Variants in CPOX observed in about 807,000 individuals in gnomAD.
The protein encoded by CPOX is coproporphyrinogen oxidase.
Under a neutral mutation model 48.9 loss-of-function variants are expected in CPOX, and 24 were observed. The ratio of observed to expected loss-of-function variants is 0.49; its 90% confidence interval spans 0.36 to 0.69. The LOEUF (loss-of-function observed/expected upper bound fraction) is 0.69, where lower values mean the gene tolerates loss of function less well. CPOX is among the 30% of genes least tolerant of loss of function. The pLI is 0.00. For synonymous variants in CPOX, 249 were observed against 234.6 expected (o/e 1.06, Z -0.56); for missense variants, 549 against 597.3 (o/e 0.92, Z 0.84).
intron 1 of CPOX, among the ~76,000 whole-genome samples, chr3:98,591,966 C>CATAT (rs10535615): frequency 3.4e-4 from 49 of 145,824 alleles, no homozygotes; most frequent in South Asian, 6.5e-4. Context: ...ATATTCCATC[C>CATAT]ATATATATAT....
the CPOX span, among the ~76,000 whole-genome samples, chr3:98,570,712 A>G: frequency 6.6e-6 from 1 of 152,254 alleles, no homozygotes; most frequent in Non-Finnish European, 1.5e-5. Context: ...ATATGAGGAT[A>G]CTAAGAAATA....
In CPOX at chr3:98,580,453, T is replaced by C. The variant is rs1707235649; in HGVS notation, c.*230A>G. 3 of 1,354,910 alleles carry C rather than the reference T, an allele frequency of 2.2e-6. No homozygotes were observed. Among genetic ancestry groups the C allele is most frequent in the Admixed American group, 6.6e-5 (2 of 30,486 alleles). 83.9% of individuals were successfully genotyped at this position (1,354,910 alleles called of 1,614,324 possible). A position where few individuals can be genotyped will look rare whatever the true frequency, so the allele number is the denominator to read the frequency against. ...TATTTTGTAAACTAGTCATATAAAA[T>C]GACACTAGAAGTATAAATGAGGTTT... On this transcript the variant is annotated 3_prime_UTR_variant, in exon 7 of 7. Coordinates refer to ENST00000647941, the MANE Select transcript of CPOX (RefSeq NM_000097.7).
At chr3:98,581,301 CT>C in intron 6 of CPOX, 105 bp downstream of exon 6, 4 of 852,832 alleles carry the variant, frequency 4.7e-6, no homozygotes, top group Non-Finnish European at 7.9e-6. Flanking sequence ...AAAGTCAAAA[CT>C]AACAAAGACC....
rs766515451 is a variant in CPOX at position 98,591,112 on chromosome 3, G to A, written c.600C>T (p.Phe200=). 9.3e-6 allele frequency: 15 copies of A among 1,613,990 alleles called. No homozygotes were observed. The highest frequency in any genetic ancestry group is 2.2e-5 in the East Asian group (1 of 44,874). ...ISCVLQDGCV[F]EKAGVSISVV... The stretch of plus-strand genomic sequence containing the variant: ...CAGAAATGCTCACCCCAGCCTTTTC[G>A]AAAACACACCCATCTTGAAGTACAC... Residue 200 remains phenylalanine (F), a synonymous_variant, in exon 2 of 7, where the codon TTC becomes TTT. Coordinates refer to ENST00000647941, the MANE Select transcript of CPOX (RefSeq NM_000097.7).
intron 3 of CPOX, among the ~76,000 whole-genome samples, chr3:98,589,380 G>A (rs937555679): frequency 1.3e-5 from 2 of 151,928 alleles, no homozygotes; most frequent in African/African-American, 4.8e-5. Flanking sequence ...GAAAGACAGT[G>A]GAACTTGCAA....
rs942853253 is a variant in CPOX, at chr3:98,587,183, C to T, written c.954-1524G>A. Among the ~76,000 whole-genome samples the T allele has an allele frequency of 3.3e-5, 5 of 152,102 alleles. No individual in the cohort carries two copies. In the East Asian group the frequency reaches 7.7e-4, roughly 23 times the overall value. On this transcript the variant is annotated intron_variant, in intron 4 of 6. Coordinates refer to ENST00000647941, the MANE Select transcript of CPOX (RefSeq NM_000097.7). ...AACAGATGCAAATCCCTAGAACTGA[C>T]GCATAGGTAGAATTCACCTTAATCG... is the stretch of plus-strand genomic sequence containing the variant.
At chr3:98,577,861 T>C (rs898684614), downstream of CPOX, among the ~76,000 whole-genome samples, 1 of 152,180 alleles carries the variant, frequency 6.6e-6, no homozygotes, top group Non-Finnish European at 1.5e-5. Context: ...TCTCTAAATA[T>C]TGTAACAGCA....
Position 98,586,976 on chromosome 3 carries a change from A to G in CPOX, c.954-1317T>C, listed in dbSNP as rs1167086980. Among the ~76,000 whole-genome samples the G allele has an allele frequency of 2.6e-5, 4 of 151,936 alleles. No homozygotes were observed. The South Asian group carries it at 8.3e-4, about 32-fold the overall frequency. ...AAACAAACAAACAAACAAACAAACA[A>G]AAAAGAAGCCATTTCCTAACTGTTA... On this transcript the variant is annotated intron_variant, in intron 4 of 6. Transcript: ENST00000647941.
chr3:98,580,125 A>G lies in CPOX; in HGVS notation c.*558T>C, dbSNP rs1453403506. On this transcript the variant is annotated 3_prime_UTR_variant, in exon 7 of 7. Coordinates refer to ENST00000647941, the MANE Select transcript of CPOX (RefSeq NM_000097.7). ...GAGATTATTTCAAGTGCTTCTAAAT[A>G]CCTATTAGAAAAATGTGTATCTATT... 3.1e-6 allele frequency: 3 copies of G among 972,544 alleles called. No individual in the cohort carries two copies. The highest frequency in any genetic ancestry group is 2.4e-6 in the Non-Finnish European group (2 of 818,148). 60.2% of individuals were successfully genotyped at this position (972,544 alleles called of 1,614,324 possible).
chr3:98,585,021 A>G (rs934549775), intron 5 of CPOX, among the ~76,000 whole-genome samples: 1 of 152,236 alleles, frequency 6.6e-6, no homozygotes, highest in East Asian at 1.9e-4. Flanking sequence ...TGCCTAATGT[A>G]GAGGCCAGCA....
chr3:98,592,892 C>A, intron 1 of CPOX, 57 bp downstream of exon 1: 1 of 1,553,772 alleles, frequency 6.4e-7, no homozygotes. Flanking sequence ...TGTCTGCAAC[C>A]TGGAACCTGA....
At chr3:98,592,797 T>C (rs1334752602) in intron 1 of CPOX, 152 bp downstream of exon 1, 1 of 813,772 alleles carries the variant, frequency 1.2e-6, no homozygotes, top group African/African-American at 1.7e-5. Context: ...CGTGTCCATC[T>C]TTTTATCAGC....
At position 98,580,216 on chromosome 3, in the gene CPOX, A is replaced by C. The variant is rs1707227628; in HGVS notation, c.*467T>G. On this transcript the variant is annotated 3_prime_UTR_variant, in exon 7 of 7. Coordinates refer to ENST00000647941, the MANE Select transcript of CPOX (RefSeq NM_000097.7). Reference sequence around the variant, plus strand: ...ACAGCAGAGACTTCAGTATTGACAAAGTAAAATTTTTACCTTCAAGTTGCA... The same window carrying C: ...ACAGCAGAGACTTCAGTATTGACAACGTAAAATTTTTACCTTCAAGTTGCA... The C allele has an allele frequency of 1.0e-6, 1 of 995,808 alleles. No individual in the cohort carries two copies. Among genetic ancestry groups the C allele is most frequent in the Non-Finnish European group, 1.2e-6 (1 of 835,660 alleles). 61.7% of individuals were successfully genotyped at this position (995,808 alleles called of 1,614,324 possible).
rs755930777 is a variant in CPOX at position 98,585,396 on chromosome 3, C to T, written c.1172+45G>A. The T allele has an allele frequency of 2.7e-6, 4 of 1,492,204 alleles. No individual in the cohort carries two copies. In the South Asian group the frequency reaches 4.5e-5, roughly 17 times the overall value. The allele number at this position is 1,492,204 out of a possible 1,614,324, so 92.4% of individuals were successfully genotyped here. A position where few individuals can be genotyped will look rare whatever the true frequency, so the allele number is the denominator to read the frequency against. Reference sequence around the variant, plus strand: ...CCCGCTATTATTAAGAGCTGCTCCACCTCCCCCACTTAGCCATGAAAGAAT... The same window carrying T: ...CCCGCTATTATTAAGAGCTGCTCCATCTCCCCCACTTAGCCATGAAAGAAT... On this transcript the variant is annotated intron_variant, in intron 5 of 6. Transcript: ENST00000647941.
chr3:98,578,318 G>T, downstream of CPOX: 3 of 627,740 alleles, frequency 4.8e-6, no homozygotes, highest in East Asian at 1.4e-4. Flanking sequence ...ACCCGCCACA[G>T]CTTTAAACAC....
At chr3:98,574,247 A>C in the CPOX span, among the ~76,000 whole-genome samples, 1 of 152,240 alleles carries the variant, frequency 6.6e-6, no homozygotes, top group Non-Finnish European at 1.5e-5. Flanking sequence ...TTAATGACAT[A>C]TAAACAGCAA....
downstream of CPOX, chr3:98,578,374 G>T: frequency 4.1e-6 from 1 of 246,528 alleles, no homozygotes; most frequent in Non-Finnish European, 6.5e-6. Context: ...ACTATGTAGT[G>T]ATTTTCTATT....
At position 98,591,144 on chromosome 3, in the gene CPOX, T is replaced by A. The variant is rs1559679320; in HGVS notation, c.568A>T (p.Ile190Phe). The change falls in exon 2 of 7, where the codon ATC becomes TTC. Residue 190 changes from isoleucine to phenylalanine, a missense_variant. Transcript: ENST00000647941. ...RWERKEGGGG[I>F]SCVLQDGCVF... ...CACCCATCTTGAAGTACACAGCTGA[T>A]GCCGCCACCTCCTGTGTATAGAAAT... 6.2e-7 allele frequency: 1 copy of A among 1,614,206 alleles called. No homozygotes were observed. Among genetic ancestry groups the A allele is most frequent in the Admixed American group, 1.7e-5 (1 of 60,032 alleles).
chr3:98,587,657 A>G (rs1707390237), intron 4 of CPOX, among the ~76,000 whole-genome samples: 1 of 151,648 alleles, frequency 6.6e-6, no homozygotes, highest in South Asian at 2.1e-4. Flanking sequence ...GCTCTGCCCA[A>G]TCACCTCTTA....
Sources: allele counts gnomAD v4.1 joint callset (sites outside exome capture counted in the v4.1 genomes callset), GRCh38; gene constraint gnomAD v4.1.1; transcripts MANE v1.5; gene names NCBI Gene and HGNC (gene_info 2026-07-23, HGNC 2026-07-21).